MROH7: variants seen among roughly 807,000 people sequenced by gnomAD.
MROH7 encodes the protein maestro heat like repeat family member 7, also known as maestro heat-like repeat-containing protein family member 7.
A neutral mutation model predicts 129.2 loss-of-function variants in MROH7; 113 were observed. The observed-to-expected ratio is 0.87, with a 90% CI of 0.75 to 1.02. MROH7 has a LOEUF of 1.02. Among genes scored for constraint, MROH7 ranks in the 50% least tolerant of loss-of-function variants. The probability of loss-of-function intolerance (pLI) is 0.00; values close to 1 mark genes in which losing one functional copy is unlikely to be tolerated. For missense variants in MROH7, 1,601 were observed against 1,671.3 expected, an observed-to-expected ratio of 0.96 and a Z score of 0.73; for synonymous variants, 655 against 667.9, an observed-to-expected ratio of 0.98 and a Z score of 0.30.
rs1231258852 is a variant in MROH7, at chr1:54,654,021, C to G, written c.1095C>G (p.Ile365Met). The stretch of plus-strand genomic sequence containing the variant: ...AGGATGATGCCAAGGACAACAGCAT[C>G]CACACTGTGCCCCTGGAGGAGAATC... Reference protein sequence around the residue: ...SQQDDAKDNSIHTVPLEENLE... With the variant: ...SQQDDAKDNSMHTVPLEENLE... The change falls in exon 3 of 24, where the codon ATC becomes ATG. Residue 365 changes from isoleucine (I) to methionine (M), a missense_variant. Ile to Met is a conservative substitution (Grantham distance 10). Transcript: ENST00000421030. 2 of 1,614,120 alleles carry G rather than the reference C, an allele frequency of 1.2e-6. No homozygotes were observed. The highest frequency in any genetic ancestry group is 1.7e-6 in the Non-Finnish European group (2 of 1,180,050).
Position 54,670,908 on chromosome 1 carries a change from G to A in MROH7, c.1578G>A (p.Glu526=). 2 of 1,607,770 alleles carry A rather than the reference G, an allele frequency of 1.2e-6. No individual in the cohort carries two copies. Among genetic ancestry groups the A allele is most frequent in the Non-Finnish European group, 1.7e-6 (2 of 1,177,386 alleles). The change falls in exon 7 of 24, where the codon GAG becomes GAA. Residue 526 remains glutamate, a synonymous_variant. Coordinates refer to ENST00000421030, the MANE Select transcript of MROH7 (RefSeq NM_001039464.4). ...TGCAGGCGATGCAGGAGAAGGACGA[G>A]GCCAAGGCTGAGACCATCCAGGTGA... is the stretch of plus-strand genomic sequence containing the variant. The part of the protein sequence containing the change: ...PSVQAMQEKD[E]AKAETIQALY...
chr1:54,701,980 C>G, intron 19 of MROH7, 110 bp from the exon 20 acceptor site: 1 of 976,990 alleles, frequency 1.0e-6, no homozygotes, highest in South Asian at 2.4e-5. Flanking sequence ...TGGGAAGAGT[C>G]GGGAGAGTTC....
At chr1:54,698,503 CCCT>C (rs1344330748) in intron 17 of MROH7, 1 of 153,292 alleles carries the variant, frequency 6.5e-6, no homozygotes, top group East Asian at 1.9e-4. Context: ...CTGTCCTGCC[CCCT>C]CCTCCAGCTC....
intron 3 of MROH7, among the ~76,000 whole-genome samples, chr1:54,661,479 T>C (rs755730697): frequency 1.1e-4 from 17 of 152,270 alleles, no homozygotes; most frequent in Admixed American, 4.6e-4. Context: ...CCCAAAGTGC[T>C]GGTATTACAG....
At chr1:54,688,422 C>T (rs758732826) in intron 15 of MROH7, among the ~76,000 whole-genome samples, 2 of 151,750 alleles carry the variant, frequency 1.3e-5, no homozygotes, top group Admixed American at 6.6e-5. Context: ...TTCTGTGACT[C>T]GTATTGTTAT....
intron 23 of MROH7, 108 bp from the exon 24 acceptor site, chr1:54,709,838 C>A (rs1645594533): frequency 2.2e-6 from 3 of 1,340,844 alleles, no homozygotes; most frequent in Non-Finnish European, 3.1e-6. Flanking sequence ...GAGGGGATGC[C>A]AAGCAGAGGG....
chr1:54,706,475 AGAGCCTG>A lies in MROH7; in HGVS notation c.3609_3615del (p.Leu1204MetfsTer17). The stretch of plus-strand genomic sequence containing the variant: ...GACAGCGCCTTCATATTCCTCAGCC[AGAGCCTG>A]GAGTATGCCAAGAACTCACGGGCCT... On this transcript the variant is annotated frameshift_variant, in exon 22 of 24. Coordinates refer to ENST00000421030, the MANE Select transcript of MROH7 (RefSeq NM_001039464.4). LOFTEE classifies it high-confidence loss of function. The A allele has an allele frequency of 6.2e-7, 1 of 1,613,402 alleles. No homozygotes were observed. The highest frequency in any genetic ancestry group is 8.5e-7 in the Non-Finnish European group (1 of 1,179,944).
Position 54,679,904 on chromosome 1 carries a change from T to C in MROH7, c.2240T>C (p.Met747Thr), listed in dbSNP as rs764652973. ...HRALEVIPEIMQGIYMQLSHI... is the reference protein window; with the variant it reads ...HRALEVIPEITQGIYMQLSHI... ...GCTGTGCCCCAGATCCCAGAAATCA[T>C]GCAAGGCATCTACATGCAGCTGAGC... The change falls in exon 13 of 24, where the codon ATG becomes ACG. Residue 747 changes from methionine to threonine, a missense_variant. By Grantham distance (81) the Met-to-Thr change is moderately conservative. Coordinates refer to ENST00000421030, the MANE Select transcript of MROH7 (RefSeq NM_001039464.4). 2.5e-6 allele frequency: 4 copies of C among 1,610,290 alleles called. No homozygotes were observed. The highest frequency in any genetic ancestry group is 3.4e-6 in the Non-Finnish European group (4 of 1,178,622).
At chr1:54,700,108 CAG>C (rs1162924340) in intron 17 of MROH7, 2 of 722,440 alleles carry the variant, frequency 2.8e-6, no homozygotes, top group Admixed American at 2.0e-5. Context: ...CAAGCAGTCA[CAG>C]GGGCTCGGAG....
At chr1:54,663,650 T>C (rs1365062703) in intron 3 of MROH7, 8 of 366,026 alleles carry the variant, frequency 2.2e-5, no homozygotes, top group Non-Finnish European at 3.7e-5. Flanking sequence ...CTGGGATTAC[T>C]GGCGTGAGCC....
At chr1:54,677,951 A>C (rs1012700434) in intron 10 of MROH7, among the ~76,000 whole-genome samples, 9 of 152,218 alleles carry the variant, frequency 5.9e-5, no homozygotes, top group Non-Finnish European at 2.9e-5. Context: ...AAAACTAAAG[A>C]AAAGTAGAAA....
rs541263847 is a variant in MROH7 at position 54,682,246 on chromosome 1, C to T, written c.2382-410C>T. Among the ~76,000 whole-genome samples, 318 of 150,798 alleles carry T rather than the reference C, an allele frequency of 2.1e-3. 2 individuals carry two copies. Among genetic ancestry groups the T allele is most frequent in the African/African-American group, 6.9e-3 (282 of 40,984 alleles). ...CTGGCGTGATCTTGGTTCACTGCAA[C>T]CTCTGCCTCCCGGGTTCAAGCGATT... is the stretch of plus-strand genomic sequence containing the variant. On this transcript the variant is annotated intron_variant, in intron 13 of 23. Coordinates refer to ENST00000421030, the MANE Select transcript of MROH7 (RefSeq NM_001039464.4).
chr1:54,682,598 G>A lies in MROH7; in HGVS notation c.2382-58G>A, dbSNP rs551604996. The A allele has an allele frequency of 4.5e-6, 7 of 1,546,652 alleles. No individual in the cohort carries two copies. The African/African-American group carries it at 9.6e-5, about 21-fold the overall frequency. On this transcript the variant is annotated intron_variant, in intron 13 of 23. Coordinates refer to ENST00000421030, the MANE Select transcript of MROH7 (RefSeq NM_001039464.4). ...TTCCCCCTCCCAAAACCATTTGGAGGCTGGGTTAGCCCCACTGCCTTGGCC... is the reference window on the plus strand; with the variant it reads ...TTCCCCCTCCCAAAACCATTTGGAGACTGGGTTAGCCCCACTGCCTTGGCC...
At chr1:54,663,996 C>T (rs558547732) in intron 3 of MROH7, 1 of 322,038 alleles carries the variant, frequency 3.1e-6, no homozygotes, top group Non-Finnish European at 6.0e-6. Flanking sequence ...GGAGAAAGAT[C>T]CTCTCTCCTT....
intron 15 of MROH7, among the ~76,000 whole-genome samples, chr1:54,687,724 G>A (rs186122061): frequency 2.6e-5 from 4 of 152,072 alleles, no homozygotes; most frequent in Admixed American, 6.5e-5. Flanking sequence ...AGCAGTGTAT[G>A]AGTATCTATT....
In MROH7 at chr1:54,654,130, G is replaced by T. The variant is rs759215528; in HGVS notation, c.1204G>T (p.Ala402Ser). The T allele has an allele frequency of 2.5e-6, 4 of 1,612,412 alleles. No individual in the cohort carries two copies. The highest frequency in any genetic ancestry group is 1.3e-5 in the African/African-American group (1 of 75,016). The part of the protein sequence containing the change: ...FPISNPAGKD[A>S]VTLQGIPEGA... The stretch of plus-strand genomic sequence containing the variant: ...CATCTCCAACCCCGCAGGCAAGGAC[G>T]CCGTGACCTTGCAAGGCATCCCTGA... Residue 402 changes from alanine (A) to serine (S), a missense_variant, in exon 3 of 24, where the codon GCC becomes TCC. Coordinates refer to ENST00000421030, the MANE Select transcript of MROH7 (RefSeq NM_001039464.4).
chr1:54,707,485 T>C (rs767814434), intron 22 of MROH7, among the ~76,000 whole-genome samples: 2 of 152,186 alleles, frequency 1.3e-5, no homozygotes, highest in Non-Finnish European at 2.9e-5. Flanking sequence ...CAGGAGGTGA[T>C]GCTGATGAAG....
intron 9 of MROH7, 84 bp from the exon 10 acceptor site, chr1:54,673,932 C>A: frequency 6.4e-7 from 1 of 1,560,514 alleles, no homozygotes; most frequent in Non-Finnish European, 8.8e-7. Context: ...CTATCTGGGC[C>A]AGACTATCCA....
In MROH7 at chr1:54,671,008, C is replaced by T. The variant is rs1569907113; in HGVS notation, c.1599+79C>T. 9 of 1,466,294 alleles carry T rather than the reference C, an allele frequency of 6.1e-6. No homozygotes were observed. The East Asian group carries it at 2.0e-4, about 32-fold the overall frequency. 90.8% of individuals were successfully genotyped at this position (1,466,294 alleles called of 1,614,324 possible). A position where few individuals can be genotyped will look rare whatever the true frequency, so the allele number is the denominator to read the frequency against. ...AGATATGGAGCTGCATCCTCCGGCT[C>T]ATTGGTCTGTGGCCTTGGGCAATTC... On this transcript the variant is annotated intron_variant, in intron 7 of 23. Transcript: ENST00000421030.
Sources: allele counts gnomAD v4.1 joint callset (sites outside exome capture counted in the v4.1 genomes callset), GRCh38; gene constraint gnomAD v4.1.1; transcripts MANE v1.5; gene names NCBI Gene and HGNC (gene_info 2026-07-23, HGNC 2026-07-21).